Variants in TIAL1 observed in about 807,000 individuals in gnomAD.
The protein encoded by TIAL1 is nucleolysin TIAR.
Under a neutral mutation model 59.7 loss-of-function variants are expected in TIAL1, and 7 were observed. The ratio of observed to expected loss-of-function variants is 0.12; its 90% CI spans 0.07 to 0.22. The LOEUF is 0.22. Ranked by LOEUF, TIAL1 falls within the 10% of genes least tolerant of loss-of-function variation. The pLI is 1.00. For missense variants in TIAL1, 225 were observed against 462.5 expected (o/e 0.49, Z 4.71); for synonymous variants, 149 against 146.3 (o/e 1.02, Z -0.13).
chr10:119,593,904 T>C (rs1846015171), intron 1 of TIAL1, among the ~76,000 whole-genome samples: 3 of 152,194 alleles, frequency 2.0e-5, no homozygotes, highest in African/African-American at 7.2e-5. Flanking sequence ...GTGACAGTAA[T>C]GTCTGCCTAC....
Position 119,574,589 on chromosome 10 carries a change from A to AAAAAAAAAAAAAAAAAT in TIAL1, c.*1075_*1076insATTTTTTTTTTTTTTTT. 1 of 142,126 alleles carries AAAAAAAAAAAAAAAAAT rather than the reference A, an allele frequency of 7.0e-6. No homozygotes were observed. The highest frequency in any genetic ancestry group is 1.5e-5 in the Non-Finnish European group (1 of 66,448). 8.8% of individuals were successfully genotyped at this position (142,126 alleles called of 1,614,324 possible). On this transcript the variant is annotated 3_prime_UTR_variant, in exon 12 of 12. Transcript: ENST00000436547. ...TTACATACCAAGTAATGTAAAGCAA[A>AAAAAAAAAAAAAAAAAT]AAAAAAAAAAAAAAAAAACAAAAAC... is the stretch of plus-strand genomic sequence containing the variant.
rs1431745919 is a variant in TIAL1 at position 119,582,245 on chromosome 10, A to G, written c.229-22T>C. 2.6e-6 allele frequency: 4 copies of G among 1,560,484 alleles called. No individual in the cohort carries two copies. The highest frequency in any genetic ancestry group is 3.5e-6 in the Non-Finnish European group (4 of 1,154,846). On this transcript the variant is annotated intron_variant, in intron 3 of 11. Transcript: ENST00000436547. The surrounding 1 kb of genome is among the most constrained non-coding windows in gnomAD (Gnocchi z 5.1). Reference sequence around the variant, plus strand: ...CCTCCTAAAAATAAAGATTATATTTAATAAAATTATTAGGCATGTCATGAG... The same window carrying G: ...CCTCCTAAAAATAAAGATTATATTTGATAAAATTATTAGGCATGTCATGAG...
rs768689064 is a variant in TIAL1, at chr10:119,596,393, G to T, written c.32+41C>A. The T allele has an allele frequency of 5.0e-6, 8 of 1,609,678 alleles. No individual in the cohort carries two copies. In the Admixed American group the frequency reaches 1.2e-4, roughly 24 times the overall value. ...CCTCCCTTAGCGTCCCGCGGTGCCC[G>T]GGCCTCTTGGCGCCTGGCACCCCTC... On this transcript the variant is annotated intron_variant, in intron 1 of 11. Transcript: ENST00000436547.
At chr10:119,579,253 G>A (rs1438767964) in intron 6 of TIAL1, among the ~76,000 whole-genome samples, 3 of 152,082 alleles carry the variant, frequency 2.0e-5, no homozygotes, top group South Asian at 2.1e-4. Context: ...CAGCGCGATC[G>A]CTTGAACCCG....
At chr10:119,579,791 C>CTAT in intron 6 of TIAL1, 144 bp downstream of exon 6, 1 of 561,152 alleles carries the variant, frequency 1.8e-6, no homozygotes, top group Non-Finnish European at 3.0e-6. Flanking sequence ...AAATTATACT[C>CTAT]TATTATTAAA....
At chr10:119,586,794 T>C (rs1177916954) in intron 2 of TIAL1, among the ~76,000 whole-genome samples, 6 of 152,220 alleles carry the variant, frequency 3.9e-5, no homozygotes, top group African/African-American at 1.4e-4. Flanking sequence ...TTCCTCTGCC[T>C]CCAGCTCTTA....
intron 7 of TIAL1, among the ~76,000 whole-genome samples, chr10:119,578,484 A>T (rs1214454756): frequency 6.6e-6 from 1 of 151,960 alleles, no homozygotes; most frequent in African/African-American, 2.4e-5. Flanking sequence ...ATTACAAATT[A>T]GCTGGGCATG....
chr10:119,578,112 C>T (rs943907119), intron 7 of TIAL1, among the ~76,000 whole-genome samples: 1 of 151,542 alleles, frequency 6.6e-6, no homozygotes, highest in East Asian at 1.9e-4. Flanking sequence ...GTAATTCCAG[C>T]CACTCAGGAG....
At position 119,577,545 on chromosome 10, in the gene TIAL1, A is replaced by C; in HGVS notation, c.653-10T>G. The C allele has an allele frequency of 6.2e-7, 1 of 1,612,554 alleles. No individual in the cohort carries two copies. The highest frequency in any genetic ancestry group is 8.5e-7 in the Non-Finnish European group (1 of 1,178,652). The stretch of plus-strand genomic sequence containing the variant: ...TGTCTCATAAGCTGATCTATAAAAC[A>C]AAACATACAAATAAAACATGGCTGA... On this transcript the variant is annotated splice_polypyrimidine_tract_variant and intron_variant, in intron 8 of 11. Coordinates refer to ENST00000436547, the MANE Select transcript of TIAL1 (RefSeq NM_003252.4).
chr10:119,583,798 T>C (rs1845408066), intron 2 of TIAL1, among the ~76,000 whole-genome samples: 1 of 152,186 alleles, frequency 6.6e-6, no homozygotes, highest in South Asian at 2.1e-4. Context: ...CTATGGGCTC[T>C]CATACAAAAT....
intron 1 of TIAL1, among the ~76,000 whole-genome samples, chr10:119,591,752 C>T (rs1372295802): frequency 6.6e-6 from 1 of 152,204 alleles, no homozygotes; most frequent in African/African-American, 2.4e-5. Context: ...CTAAACTTTA[C>T]CCAAATTTCA....
At chr10:119,586,133 T>G (rs1653152400) in intron 2 of TIAL1, among the ~76,000 whole-genome samples, 1 of 152,206 alleles carries the variant, frequency 6.6e-6, no homozygotes, top group Non-Finnish European at 1.5e-5. Context: ...TTTATCCAAC[T>G]GCCTAATCTA....
chr10:119,583,204 T>C (rs1380402243), intron 2 of TIAL1, among the ~76,000 whole-genome samples: 1 of 152,192 alleles, frequency 6.6e-6, no homozygotes, highest in African/African-American at 2.4e-5. Context: ...AGATTCTATA[T>C]ACTTTGAATT....
At position 119,574,603 on chromosome 10, in the gene TIAL1, AAAAAC is replaced by A. The variant is rs1564729387; in HGVS notation, c.*1057_*1061del. On this transcript the variant is annotated 3_prime_UTR_variant, in exon 12 of 12. Coordinates refer to ENST00000436547, the MANE Select transcript of TIAL1 (RefSeq NM_003252.4). ...ATGTAAAGCAAAAAAAAAAAAAAAA[AAAAAC>A]AAAAACAAAAAACTAATTCCCAATG... 1.4e-5 allele frequency: 2 copies of A among 144,182 alleles called. No individual in the cohort carries two copies. The highest frequency in any genetic ancestry group is 2.7e-5 in the African/African-American group (1 of 36,902). The allele number at this position is 144,182 out of a possible 1,614,324, so 8.9% of individuals were successfully genotyped here.
intron 2 of TIAL1, among the ~76,000 whole-genome samples, chr10:119,583,818 G>C (rs1312598165): frequency 6.6e-6 from 1 of 152,184 alleles, no homozygotes. Context: ...TCCTACTGTT[G>C]TAGCCACGTG....
At chr10:119,586,817 C>A (rs1845591553) in intron 2 of TIAL1, among the ~76,000 whole-genome samples, 1 of 152,194 alleles carries the variant, frequency 6.6e-6, no homozygotes, top group South Asian at 2.1e-4. Flanking sequence ...ATAGATAGCA[C>A]CATCTTGTTA....
At chr10:119,595,662 C>T (rs759321736) in intron 1 of TIAL1, among the ~76,000 whole-genome samples, 19 of 152,130 alleles carry the variant, frequency 1.2e-4, no homozygotes, top group Non-Finnish European at 2.5e-4. Context: ...ATAATTTTAG[C>T]CAACTCTGAA....
chr10:119,586,016 C>T (rs1845556101), intron 2 of TIAL1, among the ~76,000 whole-genome samples: 1 of 152,180 alleles, frequency 6.6e-6, no homozygotes, highest in Non-Finnish European at 1.5e-5. Flanking sequence ...CCTCTGTGCT[C>T]TTCTTTACCA....
intron 7 of TIAL1, among the ~76,000 whole-genome samples, chr10:119,578,224 CAAAAAAAAA>C (rs10541595): frequency 8.7e-5 from 5 of 57,348 alleles, no homozygotes; most frequent in African/African-American, 3.6e-4. Context: ...GACTCCACCT[CAAAAAAAAA>C]AAAAAAAAAA....
Sources: allele counts gnomAD v4.1 joint callset (sites outside exome capture counted in the v4.1 genomes callset), GRCh38; gene constraint gnomAD v4.1.1; non-coding constraint Gnocchi (gnomAD v3.1); transcripts MANE v1.5; gene names NCBI Gene and HGNC (gene_info 2026-07-23, HGNC 2026-07-21).